The following EIF3A variants were observed in gnomAD, a reference collection of about 807,000 sequenced individuals.
EIF3A encodes the protein eukaryotic translation initiation factor 3 subunit A.
A neutral mutation model predicts 186.6 loss-of-function variants in EIF3A; 21 were observed. The observed-to-expected ratio is 0.11, with a 90% CI of 0.08 to 0.16. The LOEUF is 0.16. Ranked by LOEUF, EIF3A falls within the 10% of genes least tolerant of loss-of-function variation. The pLI, the probability that EIF3A is intolerant of heterozygous loss-of-function variation, is 1.00. For synonymous variants in EIF3A, 563 were observed against 584.3 expected (o/e 0.96, Z 0.52); for missense variants, 1,306 against 1,796.3 (o/e 0.73, Z 4.93).
At chr10:119,046,331 T>C (rs984840006) in intron 17 of EIF3A, among the ~76,000 whole-genome samples, 5 of 152,360 alleles carry the variant, frequency 3.3e-5, no homozygotes, top group African/African-American at 1.2e-4. Flanking sequence ...ATGAACCATT[T>C]ATTGTTCAAC....
intron 12 of EIF3A, 28 bp from the exon 13 acceptor site, chr10:119,057,068 T>TTTA: frequency 7.3e-7 from 1 of 1,379,008 alleles, no homozygotes; most frequent in South Asian, 1.2e-5. Flanking sequence ...TGCACAATTG[T>TTTA]TAATAAAGAG....
intron 9 of EIF3A, chr10:119,060,135 GCA>G: frequency 2.0e-6 from 1 of 500,788 alleles, no homozygotes; most frequent in South Asian, 1.5e-5. Flanking sequence ...AATGAAATGT[GCA>G]CAAATACTGA....
intron 1 of EIF3A, 154 bp downstream of exon 1, chr10:119,080,474 T>C (rs1428431159): frequency 1.0e-6 from 1 of 985,346 alleles, no homozygotes; most frequent in Non-Finnish European, 1.2e-6. Flanking sequence ...AGGAAACCCA[T>C]GCCCAACCAC....
chr10:119,065,261 T>C (rs1463250526), intron 7 of EIF3A, 138 bp downstream of exon 7: 22 of 642,434 alleles, frequency 3.4e-5, no homozygotes, highest in African/African-American at 1.3e-4. Flanking sequence ...TGAACAGTGA[T>C]TGACACCAGT....
chr10:119,044,038 C>G lies in EIF3A; in HGVS notation c.2747+16G>C. 1 of 1,587,398 alleles carries G rather than the reference C, an allele frequency of 6.3e-7. No homozygotes were observed. ...ACAGGAACTGGAGCGGCATTATTTTCCTCAACTCTACTTACTTCTCTGGCG... is the reference window on the plus strand; with the variant it reads ...ACAGGAACTGGAGCGGCATTATTTTGCTCAACTCTACTTACTTCTCTGGCG... On this transcript the variant is annotated intron_variant, in intron 18 of 21. Transcript: ENST00000369144.
chr10:119,059,246 T>G lies in EIF3A; in HGVS notation c.1595A>C (p.Lys532Thr). 1.2e-6 allele frequency: 2 copies of G among 1,614,192 alleles called. No individual in the cohort carries two copies. Among genetic ancestry groups the G allele is most frequent in the South Asian group, 2.2e-5 (2 of 91,078 alleles). ...AGCTGGTTTAATGACTTCAAGTGCT[T>G]TTGCAAGTACTGAGGACATGGCTGT... is the stretch of plus-strand genomic sequence containing the variant. ...QLTAMSSVLA[K>T]ALEVIKPAHI... Residue 532 changes from lysine (K) to threonine (T), a missense_variant, in exon 11 of 22, where the codon AAA (lysine) becomes ACA (threonine). Around this residue, in one of 8 missense-constraint regions of EIF3A, gnomAD observed 44 missense variants for 43.4 expected, o/e 1.01. Coordinates refer to ENST00000369144, the MANE Select transcript of EIF3A (RefSeq NM_003750.4).
chr10:119,072,196 T>C (rs1281136645), intron 4 of EIF3A, among the ~76,000 whole-genome samples: 2 of 59,254 alleles, frequency 3.4e-5, no homozygotes, highest in Non-Finnish European at 3.5e-5. Flanking sequence ...TTTTAAAAAC[T>C]AAAAATAAAT....
At chr10:119,038,814 A>T (rs1007051560) in intron 19 of EIF3A, among the ~76,000 whole-genome samples, 13 of 151,996 alleles carry the variant, frequency 8.6e-5, no homozygotes, top group African/African-American at 3.1e-4. Flanking sequence ...TAGCTACTTG[A>T]CTTAGGAGGC....
intron 7 of EIF3A, among the ~76,000 whole-genome samples, chr10:119,062,521 T>G (rs2152240): frequency 0.33 from 50,326 of 151,998 alleles, 9,203 homozygotes; most frequent in Non-Finnish European, 0.41. Context: ...TCCATTCACT[T>G]GACACTAACT....
rs775756724 is a variant in EIF3A, at chr10:119,059,726, G to A, written c.1327-8C>T. 1 of 1,571,212 alleles carries A rather than the reference G, an allele frequency of 6.4e-7. No individual in the cohort carries two copies. The highest frequency in any genetic ancestry group is 2.2e-5 in the East Asian group (1 of 44,668). ...CTGATAAATCTGTGACACCTGCATA[G>A]AAAACAAAGGGTTAATAACACTAGC... On this transcript the variant is annotated splice_region_variant and splice_polypyrimidine_tract_variant and intron_variant, in intron 9 of 21. Transcript: ENST00000369144.
chr10:119,072,918 C>T lies in EIF3A; in HGVS notation c.513G>A (p.Glu171=), dbSNP rs979422039. ...LDLLRNNSRV[E]RLYHDIAQQA... The stretch of plus-strand genomic sequence containing the variant: ...GCTGGGCAATATCATGGTACAGGCG[C>T]TCTACTCTAGAATTGTTTCTAAGAA... The change falls in exon 4 of 22, where the codon GAG becomes GAA. Residue 171 remains glutamate (E), a synonymous_variant. Coordinates refer to ENST00000369144, the MANE Select transcript of EIF3A (RefSeq NM_003750.4). The T allele has an allele frequency of 5.6e-6, 9 of 1,613,776 alleles. No individual in the cohort carries two copies. Among genetic ancestry groups the T allele is most frequent in the Middle Eastern group, 1.6e-4 (1 of 6,084 alleles).
intron 1 of EIF3A, among the ~76,000 whole-genome samples, chr10:119,079,514 A>G (rs1226782980): frequency 1.3e-5 from 2 of 152,064 alleles, no homozygotes; most frequent in Non-Finnish European, 2.9e-5. Context: ...CGAAACTTCT[A>G]TTTCGGTGAA....
Position 119,035,958 on chromosome 10 carries a change from T to C in EIF3A, c.*81A>G. On this transcript the variant is annotated 3_prime_UTR_variant, in exon 22 of 22. Coordinates refer to ENST00000369144, the MANE Select transcript of EIF3A (RefSeq NM_003750.4). ...ACAACATTAAAGAATCCAATTTAGA[T>C]TGGTTGAAGCACAAGTATAATAATC... 2.9e-6 allele frequency: 3 copies of C among 1,050,564 alleles called. No homozygotes were observed. The highest frequency in any genetic ancestry group is 4.4e-6 in the Non-Finnish European group (3 of 686,348). 65.1% of individuals were successfully genotyped at this position (1,050,564 alleles called of 1,614,324 possible).
intron 6 of EIF3A, among the ~76,000 whole-genome samples, chr10:119,065,883 A>C (rs7099414): frequency 6.8e-6 from 1 of 147,004 alleles, no homozygotes; most frequent in Non-Finnish European, 1.5e-5. Context: ...TTGGGAGGCC[A>C]AGGGGGGCAC....
At chr10:119,070,126 T>C (rs2119819955) in intron 5 of EIF3A, among the ~76,000 whole-genome samples, 1 of 152,188 alleles carries the variant, frequency 6.6e-6, no homozygotes, top group Non-Finnish European at 1.5e-5. Context: ...CAAATCACAC[T>C]TTCACTTGGC....
intron 11 of EIF3A, 40 bp downstream of exon 11, chr10:119,059,172 T>C: frequency 6.4e-7 from 1 of 1,573,100 alleles, no homozygotes; most frequent in Non-Finnish European, 8.7e-7. Context: ...TAAGAGTCCC[T>C]CAAAACTTCT....
intron 18 of EIF3A, 113 bp downstream of exon 18, chr10:119,043,941 C>T: frequency 1.2e-6 from 1 of 813,014 alleles, no homozygotes; most frequent in Non-Finnish European, 2.1e-6. Context: ...GACATGCACA[C>T]AATTCTTCAT....
intron 4 of EIF3A, among the ~76,000 whole-genome samples, chr10:119,072,638 A>G (rs1844096899): frequency 6.6e-6 from 1 of 152,134 alleles, no homozygotes; most frequent in Non-Finnish European, 1.5e-5. Flanking sequence ...TATTTTTAGT[A>G]GAGAAGGGGC....
chr10:119,059,293 T>C lies in EIF3A; in HGVS notation c.1548A>G (p.Ser516=), dbSNP rs1300540837. The C allele has an allele frequency of 1.2e-6, 2 of 1,613,992 alleles. No individual in the cohort carries two copies. The highest frequency in any genetic ancestry group is 1.7e-6 in the Non-Finnish European group (2 of 1,179,936). The change falls in exon 11 of 22, where the codon TCA becomes TCG. Residue 516 remains serine (S), a synonymous_variant. Coordinates refer to ENST00000369144, the MANE Select transcript of EIF3A (RefSeq NM_003750.4). ...CTGTCAGCTGGTTTCTTATCTGCTCTGAAGGCATGCTTTGCAAATGAGGAC... is the reference window on the plus strand; with the variant it reads ...CTGTCAGCTGGTTTCTTATCTGCTCCGAAGGCATGCTTTGCAAATGAGGAC... ...PIGPHLQSMP[S]EQIRNQLTAM... is the part of the protein sequence containing the mutation.
Sources: allele counts gnomAD v4.1 joint callset (sites outside exome capture counted in the v4.1 genomes callset), GRCh38; gene constraint gnomAD v4.1.1; regional missense constraint gnomAD v4.1.1; transcripts MANE v1.5; gene names NCBI Gene and HGNC (gene_info 2026-07-23, HGNC 2026-07-21).